The following PTPRD variants were observed in gnomAD, a reference collection of about 807,000 sequenced individuals.
PTPRD encodes protein tyrosine phosphatase receptor type D.
A neutral mutation model predicts 214.5 loss-of-function variants in PTPRD; 34 were observed. The ratio of observed to expected loss-of-function variants is 0.16; its 90% confidence interval spans 0.12 to 0.21. The LOEUF (loss-of-function observed/expected upper bound fraction) is 0.21. Ranked by LOEUF, PTPRD falls within the 10% of genes least tolerant of loss-of-function variation. PTPRD has a pLI of 1.00. For synonymous variants in PTPRD, 1,128 were observed against 845.7 expected (o/e 1.33, Z -5.79); for missense variants, 2,545 against 2,398.7 (o/e 1.06, Z -1.27).
chr9:9,602,056 T>C (rs368466451), intron 7 of PTPRD, among the ~76,000 whole-genome samples: 1 of 152,102 alleles, frequency 6.6e-6, no homozygotes, highest in Non-Finnish European at 1.5e-5. Flanking sequence ...ACTGGTTTCA[T>C]CAGACTCTTG....
At chr9:9,413,873 G>A (rs1241095752) in intron 8 of PTPRD, among the ~76,000 whole-genome samples, 1 of 152,210 alleles carries the variant, frequency 6.6e-6, no homozygotes. Context: ...ATATTTCACA[G>A]TGAGTTTGCC....
At chr9:10,585,159 A>G (rs1448812978) in intron 2 of PTPRD, among the ~76,000 whole-genome samples, 1 of 152,146 alleles carries the variant, frequency 6.6e-6, no homozygotes, top group African/African-American at 2.4e-5. Flanking sequence ...GAATTACACA[A>G]ATAGTGATGA....
intron 7 of PTPRD, among the ~76,000 whole-genome samples, chr9:9,722,939 T>G (rs1318316001): frequency 6.6e-6 from 1 of 152,100 alleles, no homozygotes; most frequent in Non-Finnish European, 1.5e-5. Context: ...TAGATGCTAA[T>G]GTCTTATTGG....
intron 14 of PTPRD, among the ~76,000 whole-genome samples, chr9:8,552,403 T>C (rs2082371685): frequency 6.6e-6 from 1 of 152,176 alleles, no homozygotes; most frequent in African/African-American, 2.4e-5. Context: ...ACATGTGTTT[T>C]TGGATTTGGT....
At chr9:10,360,217 G>C (rs532344870) in intron 2 of PTPRD, among the ~76,000 whole-genome samples, 1 of 152,334 alleles carries the variant, frequency 6.6e-6, no homozygotes, top group African/African-American at 2.4e-5. Flanking sequence ...TATCAGGCCA[G>C]TCACTCAGAG....
chr9:10,481,243 G>A (rs949314268), intron 2 of PTPRD, among the ~76,000 whole-genome samples: 1 of 152,018 alleles, frequency 6.6e-6, no homozygotes, highest in Non-Finnish European at 1.5e-5. Flanking sequence ...ATGTCATTTG[G>A]GTGAGGGGCA....
intron 5 of PTPRD, among the ~76,000 whole-genome samples, chr9:9,933,102 G>A (rs10978106): frequency 0.12 from 14,430 of 117,224 alleles, 212 homozygotes; most frequent in Middle Eastern, 0.26. Context: ...AGGAACAACT[G>A]GTACCAGCCG....
intron 5 of PTPRD, among the ~76,000 whole-genome samples, chr9:9,833,506 G>T (rs555224330): frequency 2.0e-5 from 3 of 151,630 alleles, no homozygotes; most frequent in South Asian, 4.2e-4. Flanking sequence ...ATGAAGTTTC[G>T]GGCACCATTG....
chr9:8,461,239 T>G (rs1343242753), intron 32 of PTPRD, among the ~76,000 whole-genome samples: 1 of 152,120 alleles, frequency 6.6e-6, no homozygotes, highest in Admixed American at 6.6e-5. Flanking sequence ...GATATGGCTT[T>G]ATAAAATATA....
intron 5 of PTPRD, among the ~76,000 whole-genome samples, chr9:9,813,256 C>T (rs1225025254): frequency 2.0e-5 from 3 of 151,808 alleles, no homozygotes; most frequent in Non-Finnish European, 2.9e-5. Flanking sequence ...AAAGAACAAA[C>T]TAAATAAACC....
At chr9:9,329,332 T>C (rs1215659393) in intron 9 of PTPRD, among the ~76,000 whole-genome samples, 1 of 152,194 alleles carries the variant, frequency 6.6e-6, no homozygotes, top group African/African-American at 2.4e-5. Context: ...TTACAGTCTA[T>C]ATGACCCCAT....
At chr9:9,154,448 T>C (rs1450512452) in intron 10 of PTPRD, among the ~76,000 whole-genome samples, 2 of 152,158 alleles carry the variant, frequency 1.3e-5, no homozygotes, top group East Asian at 1.9e-4. Context: ...TCTCTGTGTC[T>C]TCCCAAAACA....
At chr9:10,305,918 C>T (rs2096052126) in intron 3 of PTPRD, among the ~76,000 whole-genome samples, 1 of 152,080 alleles carries the variant, frequency 6.6e-6, no homozygotes, top group Non-Finnish European at 1.5e-5. Flanking sequence ...AATCCCACTA[C>T]TGGGTATATA....
intron 14 of PTPRD, among the ~76,000 whole-genome samples, chr9:8,580,945 C>T (rs750040909): frequency 6.6e-6 from 1 of 152,108 alleles, no homozygotes; most frequent in African/African-American, 2.4e-5. Flanking sequence ...AAATGAAAAG[C>T]AGATTTGTTG....
chr9:9,331,950 G>C (rs1457225845), intron 9 of PTPRD, among the ~76,000 whole-genome samples: 1 of 152,028 alleles, frequency 6.6e-6, no homozygotes, highest in Admixed American at 6.6e-5. Flanking sequence ...ACCTAGAGTT[G>C]TTGCTTGAAG....
intron 3 of PTPRD, among the ~76,000 whole-genome samples, chr9:10,188,748 C>A (rs1350541893): frequency 6.6e-6 from 1 of 152,070 alleles, no homozygotes; most frequent in East Asian, 1.9e-4. Context: ...TAAGATTCAC[C>A]AGAAGCAAAT....
intron 37 of PTPRD, among the ~76,000 whole-genome samples, chr9:8,386,172 A>C (rs1362862666): frequency 6.6e-6 from 1 of 152,298 alleles, no homozygotes; most frequent in South Asian, 2.1e-4. Context: ...TGAGGAGTCA[A>C]GTAAACTTGC....
intron 3 of PTPRD, among the ~76,000 whole-genome samples, chr9:10,126,779 T>C (rs1425860599): frequency 1.3e-5 from 2 of 152,128 alleles, no homozygotes; most frequent in Non-Finnish European, 2.9e-5. Context: ...AACTGTTCCC[T>C]CCATCACTAA....
intron 7 of PTPRD, among the ~76,000 whole-genome samples, chr9:9,624,200 A>T (rs180926925): frequency 6.6e-6 from 1 of 152,022 alleles, no homozygotes; most frequent in African/African-American, 2.4e-5. Context: ...TTTTAATTGC[A>T]CTATTAACTC....
Sources: allele counts gnomAD v4.1 joint callset (sites outside exome capture counted in the v4.1 genomes callset), GRCh38; gene constraint gnomAD v4.1.1; transcripts MANE v1.5; gene names NCBI Gene and HGNC (gene_info 2026-07-23, HGNC 2026-07-21).